Variants in MCF2L observed in about 807,000 individuals in gnomAD.
MCF2L encodes guanine nucleotide exchange factor DBS.
Under a neutral mutation model 153.4 loss-of-function variants are expected in MCF2L, and 97 were observed. The observed-to-expected ratio is 0.63, with a 90% confidence interval of 0.54 to 0.75. The LOEUF is 0.75. Ranked by LOEUF, MCF2L falls within the 30% of genes least tolerant of loss-of-function variation. The pLI is 0.00. For missense variants in MCF2L, 1,347 were observed against 1,495.2 expected, an observed-to-expected ratio of 0.90 and a Z score of 1.64; for synonymous variants, 659 against 632.2, an observed-to-expected ratio of 1.04 and a Z score of -0.64.
At chr13:113,087,109 G>C (rs1664341956) in intron 21 of MCF2L, 126 bp from the exon 22 acceptor site, 1 of 774,332 alleles carries the variant, frequency 1.3e-6, no homozygotes, top group East Asian at 2.7e-5. Flanking sequence ...GCCTTTCCTG[G>C]GACGCCCTGC....
At chr13:113,061,363 G>A (rs1182616488) in intron 5 of MCF2L, among the ~76,000 whole-genome samples, 4 of 152,230 alleles carry the variant, frequency 2.6e-5, no homozygotes, top group Non-Finnish European at 5.9e-5. Flanking sequence ...TCACCAGCCC[G>A]AGCTGTGTAG....
At position 113,090,195 on chromosome 13, in the gene MCF2L, C is replaced by CGTG. The variant is rs762706945; in HGVS notation, c.2953+472_2953+474dup. 26 of 1,498,326 alleles carry CGTG rather than the reference C, an allele frequency of 1.7e-5. 1 individual carries two copies. Among genetic ancestry groups the CGTG allele is most frequent in the South Asian group, 8.5e-5 (7 of 82,734 alleles). The allele number at this position is 1,498,326 out of a possible 1,614,324, so 92.8% of individuals were successfully genotyped here. A position where few individuals can be genotyped will look rare whatever the true frequency, so the allele number is the denominator to read the frequency against. ...GTGCCTGCCCCAAACCCACCCTCACCGTGGTGGCGTCTGTCATGCATCGTG... is the reference window on the plus strand; with the variant it reads ...GTGCCTGCCCCAAACCCACCCTCACCGTGGTGGTGGCGTCTGTCATGCATCGTG... On this transcript the variant is annotated intron_variant, in intron 26 of 29. Transcript: ENST00000535094.
intron 2 of MCF2L, among the ~76,000 whole-genome samples, chr13:112,919,397 G>A (rs1056840750): frequency 4.6e-5 from 7 of 151,476 alleles, no homozygotes; most frequent in African/African-American, 1.7e-4. Flanking sequence ...AGTAGAGACG[G>A]GGTTTCACCG....
intron 1 of MCF2L, among the ~76,000 whole-genome samples, chr13:112,989,368 A>T (rs9577412): frequency 5.1e-5 from 2 of 39,502 alleles, no homozygotes; most frequent in African/African-American, 1.4e-4. Flanking sequence ...CTACCACGCC[A>T]GAGTCCTCCC....
At chr13:113,020,601 T>A (rs1327813642) in intron 2 of MCF2L, among the ~76,000 whole-genome samples, 1 of 152,232 alleles carries the variant, frequency 6.6e-6, no homozygotes, top group Non-Finnish European at 1.5e-5. Context: ...CTCGCTGTCC[T>A]CATGTGGCCA....
At chr13:113,020,660 C>T (rs545747099) in intron 2 of MCF2L, among the ~76,000 whole-genome samples, 20 of 152,340 alleles carry the variant, frequency 1.3e-4, no homozygotes, top group Admixed American at 1.0e-3. Context: ...GCCCCACTCC[C>T]ACGGCCTCCT....
chr13:113,093,168 G>A (rs1251750881), intron 26 of MCF2L, among the ~76,000 whole-genome samples: 2 of 152,264 alleles, frequency 1.3e-5, no homozygotes, highest in Non-Finnish European at 2.9e-5. Context: ...CTGCTGTAGA[G>A]GAGGCACCTG....
At chr13:113,030,067 A>T (rs912827032) in intron 3 of MCF2L, among the ~76,000 whole-genome samples, 3 of 152,208 alleles carry the variant, frequency 2.0e-5, no homozygotes, top group Admixed American at 6.5e-5. Context: ...GACTATACTC[A>T]TCATTTTTGG....
intron 2 of MCF2L, among the ~76,000 whole-genome samples, chr13:112,936,479 A>G (rs569267795): frequency 3.5e-4 from 53 of 152,166 alleles, no homozygotes; most frequent in Admixed American, 9.2e-4. Flanking sequence ...GCTTTGGGTG[A>G]AAGGCTTTGA....
At chr13:113,011,973 T>A (rs1322340476) in intron 1 of MCF2L, among the ~76,000 whole-genome samples, 1 of 93,994 alleles carries the variant, frequency 1.1e-5, no homozygotes, top group South Asian at 5.4e-4. Context: ...GTGGACAGGC[T>A]GGGTGGATGG....
Position 113,053,926 on chromosome 13 carries a change from C to T in MCF2L, c.370-6667C>T, listed in dbSNP as rs977451977. On this transcript the variant is annotated intron_variant, in intron 4 of 29. Transcript: ENST00000535094. The surrounding 1 kb of genome is among the most constrained non-coding windows in gnomAD (Gnocchi z 4.4). ...TAACAAGTTGACCAGAAAAACAACC[C>T]GAATACTCCTCAACTCTTGATGGGA... Among the ~76,000 whole-genome samples, 9 of 152,084 alleles carry T rather than the reference C, an allele frequency of 5.9e-5. No individual in the cohort carries two copies. Among genetic ancestry groups the T allele is most frequent in the Admixed American group, 1.3e-4 (2 of 15,280 alleles).
chr13:113,011,588 G>C (rs1467979053), intron 1 of MCF2L, among the ~76,000 whole-genome samples: 1 of 150,514 alleles, frequency 6.6e-6, no homozygotes, highest in Non-Finnish European at 1.5e-5. Flanking sequence ...GACAGGTGGT[G>C]TGGACGGTGG....
chr13:112,963,972 C>G (rs1461704155), intron 2 of MCF2L, among the ~76,000 whole-genome samples: 2 of 152,246 alleles, frequency 1.3e-5, no homozygotes, highest in Non-Finnish European at 2.9e-5. Context: ...GAGGCTTGGC[C>G]TGCAGCCCCC....
intron 1 of MCF2L, among the ~76,000 whole-genome samples, chr13:112,894,697 T>C (rs764523145): frequency 1.3e-5 from 2 of 151,944 alleles, no homozygotes; most frequent in African/African-American, 2.4e-5. Context: ...ACCCCGCGAG[T>C]GTCCAGGCGC....
intron 9 of MCF2L, among the ~76,000 whole-genome samples, chr13:113,071,841 T>G (rs2032954690): frequency 6.6e-6 from 1 of 152,262 alleles, no homozygotes; most frequent in African/African-American, 2.4e-5. Context: ...TTGTGTTAGC[T>G]TCTAGTTCTT....
chr13:113,064,821 C>G lies in MCF2L; in HGVS notation c.607-115C>G. On this transcript the variant is annotated intron_variant, in intron 6 of 29. Transcript: ENST00000535094. The surrounding 1 kb of genome is among the most constrained non-coding windows in gnomAD (Gnocchi z 6.0). ...AGGGCGTTCACCGTCTTTGCGTCAG[C>G]CGGTCTCACCTGATGGGTCTGTGTG... 8.4e-7 allele frequency: 1 copy of G among 1,187,234 alleles called. No homozygotes were observed. Among genetic ancestry groups the G allele is most frequent in the Non-Finnish European group, 1.2e-6 (1 of 850,080 alleles). The allele number at this position is 1,187,234 out of a possible 1,614,324, so 73.5% of individuals were successfully genotyped here.
chr13:113,030,213 G>A (rs903165335), intron 3 of MCF2L, among the ~76,000 whole-genome samples: 6 of 152,204 alleles, frequency 3.9e-5, no homozygotes, highest in African/African-American at 1.4e-4. Flanking sequence ...GGTGTCTGCC[G>A]ACGCCCGGTG....
Position 113,087,456 on chromosome 13 carries a change from CGTAA to C in MCF2L, c.2595+3_2595+6del. On this transcript the variant is annotated splice_donor_variant and splice_donor_region_variant and intron_variant, in intron 22 of 29. Coordinates refer to ENST00000535094, the MANE Select transcript of MCF2L (RefSeq NM_001112732.3). LOFTEE classifies it high-confidence loss of function. ...CCTACAGCTACAAGCAGTCCTTAAACGTAAGTGAGGCCGGGTCTGCAGCAGCACG... is the reference window on the plus strand; with the variant it reads ...CCTACAGCTACAAGCAGTCCTTAAACGTGAGGCCGGGTCTGCAGCAGCACG... The C allele has an allele frequency of 1.3e-6, 2 of 1,599,554 alleles. No individual in the cohort carries two copies. The highest frequency in any genetic ancestry group is 1.1e-5 in the South Asian group (1 of 89,980).
chr13:112,922,808 G>A lies in MCF2L; in HGVS notation c.169+20437G>A, dbSNP rs184045621. ...TGAGATCGTGCCACTGCACTCCAGC[G>A]TGGGCGACAGAGCAAGACTCCATCT... On this transcript the variant is annotated intron_variant, in intron 2 of 29. Transcript: ENST00000375608. Among the ~76,000 whole-genome samples, 117 of 152,280 alleles carry A rather than the reference G, an allele frequency of 7.7e-4. 1 individual carries two copies. Among genetic ancestry groups the A allele is most frequent in the Admixed American group, 7.5e-3 (114 of 15,294 alleles).
Sources: allele counts gnomAD v4.1 joint callset (sites outside exome capture counted in the v4.1 genomes callset), GRCh38; gene constraint gnomAD v4.1.1; non-coding constraint Gnocchi (gnomAD v3.1); transcripts MANE v1.5; gene names NCBI Gene and HGNC (gene_info 2026-07-23, HGNC 2026-07-21).